Variants in VIL1 observed in about 807,000 individuals in gnomAD.
VIL1 encodes villin-1.
Under a neutral mutation model 104.0 loss-of-function variants are expected in VIL1, and 86 were observed. The ratio of observed to expected loss-of-function variants is 0.83; its 90% CI spans 0.69 to 0.99. The LOEUF is 0.99. Among genes scored for constraint, VIL1 ranks in the 50% least tolerant of loss-of-function variants. The probability of loss-of-function intolerance (pLI) is 0.00; values close to 1 mark genes in which losing one functional copy is unlikely to be tolerated. For synonymous variants in VIL1, 394 were observed against 412.6 expected (o/e 0.95, Z 0.55); for missense variants, 944 against 1,054.1 (o/e 0.90, Z 1.45).
At chr2:218,422,971 A>C (rs991440179) in intron 1 of VIL1, among the ~76,000 whole-genome samples, 1 of 152,190 alleles carries the variant, frequency 6.6e-6, no homozygotes, top group East Asian at 1.9e-4. Context: ...GGCAGAAAAT[A>C]AAGCACCCAT....
At chr2:218,438,421 G>GCCTC in intron 17 of VIL1, among the ~76,000 whole-genome samples, 1 of 152,202 alleles carries the variant, frequency 6.6e-6, no homozygotes, top group Admixed American at 6.5e-5. Flanking sequence ...GTCAGGCTGA[G>GCCTC]CTGGGACAAA....
At chr2:218,435,663 TG>T (rs1324284107) in intron 15 of VIL1, among the ~76,000 whole-genome samples, 1 of 152,122 alleles carries the variant, frequency 6.6e-6, no homozygotes, top group African/African-American at 2.4e-5. Context: ...CAGGACCTGG[TG>T]GGGTATTTCC....
Position 218,425,776 on chromosome 2 carries a change from C to G in VIL1, c.312C>G (p.Ser104Arg). 3 of 1,612,150 alleles carry G rather than the reference C, an allele frequency of 1.9e-6. No homozygotes were observed. The highest frequency in any genetic ancestry group is 2.5e-6 in the Non-Finnish European group (3 of 1,178,998). ...ACCGCGAGGTCCAGGGCAACGAGAG[C>G]GAGGCCTTCCGAGGCTACTTCAAGC... ...VQHREVQGNE[S>R]EAFRGYFKQG... Residue 104 changes from serine (S) to arginine (R), a missense_variant, in exon 4 of 20, where the codon AGC becomes AGG. Ser to Arg is a moderately radical substitution (Grantham distance 110). Coordinates refer to ENST00000248444, the MANE Select transcript of VIL1 (RefSeq NM_007127.3).
chr2:218,426,591 G>A (rs896945980), intron 4 of VIL1, among the ~76,000 whole-genome samples: 1 of 151,248 alleles, frequency 6.6e-6, no homozygotes, highest in African/African-American at 2.4e-5. Flanking sequence ...ACAGGCCCGA[G>A]CCACCATGCC....
intron 19 of VIL1, among the ~76,000 whole-genome samples, chr2:218,442,664 G>C (rs574274779): frequency 6.6e-6 from 1 of 152,044 alleles, no homozygotes; most frequent in African/African-American, 2.4e-5. Flanking sequence ...CCCACTTCAT[G>C]AAGATCCAAA....
chr2:218,444,216 C>T (rs575139065), intron 19 of VIL1, among the ~76,000 whole-genome samples: 33 of 151,580 alleles, frequency 2.2e-4, no homozygotes, highest in African/African-American at 7.3e-4. Context: ...GTGATCCACC[C>T]GCCTCAGCCT....
At chr2:218,421,818 G>C (rs17462630) in intron 1 of VIL1, among the ~76,000 whole-genome samples, 36,967 of 152,016 alleles carry the variant, frequency 0.24, 5,673 homozygotes, top group Non-Finnish European at 0.34. Flanking sequence ...TATTCCTCTT[G>C]CTGCCAGTTA....
intron 3 of VIL1, 22 bp downstream of exon 3, chr2:218,424,373 G>T: frequency 2.5e-6 from 4 of 1,612,320 alleles, no homozygotes; most frequent in Admixed American, 1.7e-5. Flanking sequence ...GCAGGGGAGG[G>T]GGCTGAGCAG....
At position 218,424,181 on chromosome 2, in the gene VIL1, C is replaced by T. The variant is rs1688939160; in HGVS notation, c.76-96C>T. 5 of 1,092,394 alleles carry T rather than the reference C, an allele frequency of 4.6e-6. No homozygotes were observed. In the African/African-American group the frequency reaches 4.7e-5, roughly 10 times the overall value. The allele number at this position is 1,092,394 out of a possible 1,614,324, so 67.7% of individuals were successfully genotyped here. On this transcript the variant is annotated intron_variant, in intron 2 of 19. Transcript: ENST00000248444. ...TCTCCTTTCATTCCTGGGCCCGGCT[C>T]TTTGTCTCCGACGCCTCCTCCCCTT...
chr2:218,429,385 T>A lies in VIL1; in HGVS notation c.668T>A (p.Met223Lys). The change falls in exon 7 of 20, where the codon ATG becomes AAG. Residue 223 changes from methionine (M) to lysine (K), a missense_variant. By Grantham distance (95) the Met-to-Lys change is moderately conservative (BLOSUM62 -1). Coordinates refer to ENST00000248444, the MANE Select transcript of VIL1 (RefSeq NM_007127.3). ...AATGAATTGGCATCCCCGAAGCTGATGGAGGTGATGAACCACGTGCTGGGC... is the reference window on the plus strand; with the variant it reads ...AATGAATTGGCATCCCCGAAGCTGAAGGAGGTGATGAACCACGTGCTGGGC... ...GENELASPKL[M>K]EVMNHVLGKR... The A allele has an allele frequency of 6.2e-7, 1 of 1,614,042 alleles. No individual in the cohort carries two copies. The highest frequency in any genetic ancestry group is 8.5e-7 in the Non-Finnish European group (1 of 1,180,016).
intron 9 of VIL1, 99 bp from the exon 10 acceptor site, chr2:218,430,626 T>A: frequency 6.9e-7 from 1 of 1,456,544 alleles, no homozygotes; most frequent in African/African-American, 1.4e-5. Context: ...GGGGTAGATC[T>A]GATGGTGGAT....
chr2:218,420,344 G>A lies in VIL1; in HGVS notation c.-12+1176G>A, dbSNP rs1003254524. 2.2e-4 allele frequency among the ~76,000 whole-genome samples: 32 copies of A among 142,534 alleles called. 1 individual carries two copies. Among genetic ancestry groups the A allele is most frequent in the Admixed American group, 1.7e-3 (22 of 13,128 alleles). The allele number at this position is 142,534 out of a possible 152,430, so 93.5% of individuals were successfully genotyped here. ...CTCGGGAGGCTGAGGCACGAGAATC[G>A]CTTGAACCCAGGAGGCGGAGATGAC... On this transcript the variant is annotated intron_variant, in intron 1 of 19. Coordinates refer to ENST00000248444, the MANE Select transcript of VIL1 (RefSeq NM_007127.3).
chr2:218,435,258 C>T, intron 14 of VIL1, 31 bp from the exon 15 acceptor site: 1 of 1,606,452 alleles, frequency 6.2e-7, no homozygotes, highest in Non-Finnish European at 8.5e-7. Context: ...AGGGGTGGCA[C>T]TAGAAATTAG....
chr2:218,449,764 T>C lies in VIL1; in HGVS notation c.*428T>C, dbSNP rs1689437857. 1 of 176,058 alleles carries C rather than the reference T, an allele frequency of 5.7e-6. No individual in the cohort carries two copies. Among genetic ancestry groups the C allele is most frequent in the African/African-American group, 2.4e-5 (1 of 42,304 alleles). The allele number at this position is 176,058 out of a possible 1,614,324, so 10.9% of individuals were successfully genotyped here. The stretch of plus-strand genomic sequence containing the variant: ...TTCCCCAGAGTAACAGCTTTTCCTT[T>C]TCACATATACTTTCCTTACTGCCTT... On this transcript the variant is annotated 3_prime_UTR_variant, in exon 20 of 20. Transcript: ENST00000248444.
intron 18 of VIL1, among the ~76,000 whole-genome samples, chr2:218,440,260 C>T (rs1191400436): frequency 1.3e-5 from 2 of 152,138 alleles, no homozygotes; most frequent in Non-Finnish European, 2.9e-5. Flanking sequence ...GAACAGACCA[C>T]TAAGCTCTAT....
rs910702527 is a variant in VIL1 at position 218,452,142 on chromosome 2, A to T, written c.*2806A>T. The T allele has an allele frequency of 7.9e-5, 12 of 152,260 alleles. No homozygotes were observed. Among genetic ancestry groups the T allele is most frequent in the African/African-American group, 2.9e-4 (12 of 41,448 alleles). The allele number at this position is 152,260 out of a possible 1,614,324, so 9.4% of individuals were successfully genotyped here. A position where few individuals can be genotyped will look rare whatever the true frequency, so the allele number is the denominator to read the frequency against. ...TCATTTTTCCCTTAAAATTCCAACA[A>T]AGATCAAAAGGTTGTATCTAGAACT... On this transcript the variant is annotated 3_prime_UTR_variant, in exon 20 of 20. Transcript: ENST00000248444.
At chr2:218,423,672 G>A in intron 1 of VIL1, 96 bp from the exon 2 acceptor site, 1 of 1,257,304 alleles carries the variant, frequency 8.0e-7, no homozygotes, top group Non-Finnish European at 1.1e-6. Flanking sequence ...CCCTGAGCCT[G>A]CGACCTCCTG....
At chr2:218,424,449 C>A in intron 3 of VIL1, 98 bp downstream of exon 3, 1 of 1,318,658 alleles carries the variant, frequency 7.6e-7, no homozygotes, top group Non-Finnish European at 1.1e-6. Context: ...GTTGGCCTGG[C>A]TTCACCCCAA....
rs990955658 is a variant in VIL1, at chr2:218,445,412, C to T, written c.2371-3811C>T. ...CAGGAGGACCCTGTCTCAACCTCCC[C>T]GCCAAAACAAAAAGAACCCCCAAAC... On this transcript the variant is annotated intron_variant, in intron 19 of 19. Coordinates refer to ENST00000248444, the MANE Select transcript of VIL1 (RefSeq NM_007127.3). 8.6e-5 allele frequency among the ~76,000 whole-genome samples: 13 copies of T among 151,882 alleles called. No individual in the cohort carries two copies. In the East Asian group the frequency reaches 1.5e-3, roughly 18 times the overall value.
Sources: allele counts gnomAD v4.1 joint callset (sites outside exome capture counted in the v4.1 genomes callset), GRCh38; gene constraint gnomAD v4.1.1; transcripts MANE v1.5; gene names NCBI Gene and HGNC (gene_info 2026-07-23, HGNC 2026-07-21).